The following NPAS3 variants were observed in gnomAD, a reference collection of about 807,000 sequenced individuals.
The protein encoded by NPAS3 is neuronal PAS domain protein 3, also known as neuronal PAS domain-containing protein 3.
In NPAS3, 14 loss-of-function variants were observed where a neutral mutation model predicts 73.1. The ratio of observed to expected loss-of-function variants is 0.19; its 90% CI spans 0.13 to 0.30. The LOEUF is 0.30. NPAS3 is among the 10% of genes least tolerant of loss of function. The pLI is 1.00. For synonymous variants in NPAS3, 620 were observed against 541.5 expected (o/e 1.14, Z -2.01); for missense variants, 1,096 against 1,250.0 (o/e 0.88, Z 1.86).
intron 2 of NPAS3, among the ~76,000 whole-genome samples, chr14:33,194,510 C>T (rs538189610): frequency 6.6e-6 from 1 of 152,106 alleles, no homozygotes; most frequent in South Asian, 2.1e-4. Flanking sequence ...AAATTCTCTA[C>T]GTATTTCAGT....
chr14:33,232,906 G>A (rs116675592), intron 3 of NPAS3, among the ~76,000 whole-genome samples: 1,645 of 152,260 alleles, frequency 0.011, 28 homozygotes, highest in African/African-American at 0.037. Flanking sequence ...TCTAGGGCGA[G>A]TAGTGCTGGA....
chr14:33,086,381 GTTTA>G (rs778726903), intron 2 of NPAS3, among the ~76,000 whole-genome samples: 14 of 151,990 alleles, frequency 9.2e-5, no homozygotes, highest in Non-Finnish European at 1.5e-4. Context: ...ACTTTTAAAA[GTTTA>G]TTTATATAAG....
intron 5 of NPAS3, among the ~76,000 whole-genome samples, chr14:33,637,942 G>A (rs1405143222): frequency 6.6e-6 from 1 of 152,188 alleles, no homozygotes; most frequent in Non-Finnish European, 1.5e-5. Context: ...ATCAGAGGCT[G>A]TGTTCCCTCA....
intron 5 of NPAS3, among the ~76,000 whole-genome samples, chr14:33,584,143 A>C (rs954668000): frequency 1.3e-5 from 2 of 152,200 alleles, no homozygotes; most frequent in Non-Finnish European, 2.9e-5. Context: ...CACTACTTCA[A>C]AATGTGTATA....
intron 2 of NPAS3, among the ~76,000 whole-genome samples, chr14:33,087,765 T>C (rs1035504401): frequency 7.2e-5 from 11 of 152,154 alleles, no homozygotes; most frequent in Admixed American, 5.9e-4. Context: ...TCTGGTATTG[T>C]GTTTAAAGTG....
At chr14:33,744,346 C>T (rs1189954970) in intron 7 of NPAS3, among the ~76,000 whole-genome samples, 3 of 152,162 alleles carry the variant, frequency 2.0e-5, no homozygotes, top group African/African-American at 7.2e-5. Context: ...GACTGGGGAA[C>T]AGCTGGTCAT....
intron 4 of NPAS3, among the ~76,000 whole-genome samples, chr14:33,449,769 G>T (rs1278998811): frequency 6.6e-6 from 1 of 152,028 alleles, no homozygotes; most frequent in Non-Finnish European, 1.5e-5. Context: ...TCCCCCCCAG[G>T]CTCTGTCTTA....
At chr14:33,698,317 GT>G (rs201054725) in intron 6 of NPAS3, among the ~76,000 whole-genome samples, 7 of 152,244 alleles carry the variant, frequency 4.6e-5, no homozygotes, top group Admixed American at 1.3e-4. Flanking sequence ...CAAAAGAAAG[GT>G]TTTTTTAAAA....
At chr14:33,596,107 C>T (rs950944404) in intron 5 of NPAS3, among the ~76,000 whole-genome samples, 1 of 152,222 alleles carries the variant, frequency 6.6e-6, no homozygotes, top group African/African-American at 2.4e-5. Context: ...GTGAAATCAA[C>T]TGTTTCAAGC....
chr14:33,402,983 C>A (rs1330618511), intron 4 of NPAS3, among the ~76,000 whole-genome samples: 1 of 152,078 alleles, frequency 6.6e-6, no homozygotes. Context: ...ATCTTCCATG[C>A]CTCTGTAGGT....
rs543357353 is a variant in NPAS3 at position 33,173,858 on chromosome 14, C to T, written c.141-41324C>T. On this transcript the variant is annotated intron_variant, in intron 2 of 11. Coordinates refer to ENST00000356141, the Ensembl canonical transcript of NPAS3. The stretch of plus-strand genomic sequence containing the variant: ...CAATAATTAACAGGAAATGTTTCTT[C>T]CTGGTAATTCTGTTGTATTAAAACA... Among the ~76,000 whole-genome samples the T allele has an allele frequency of 1.5e-4, 23 of 152,240 alleles. No homozygotes were observed. The South Asian group carries it at 4.6e-3, about 30-fold the overall frequency.
intron 4 of NPAS3, among the ~76,000 whole-genome samples, chr14:33,395,102 G>T (rs148756656): frequency 6.6e-6 from 1 of 152,226 alleles, no homozygotes; most frequent in Non-Finnish European, 1.5e-5. Context: ...TGCAAATAGC[G>T]AGGATCTCTT....
chr14:33,778,699 G>A (rs988117530), intron 9 of NPAS3, 127 bp downstream of exon 9: 10 of 635,658 alleles, frequency 1.6e-5, no homozygotes, highest in East Asian at 1.4e-4. Context: ...TCAGTGTGCA[G>A]TGAGAAAAAG....
At chr14:33,622,871 T>C (rs997501204) in intron 5 of NPAS3, among the ~76,000 whole-genome samples, 6 of 152,174 alleles carry the variant, frequency 3.9e-5, no homozygotes, top group African/African-American at 1.4e-4. Context: ...TAAGTAATTC[T>C]ACTTGCCCGG....
intron 1 of NPAS3, among the ~76,000 whole-genome samples, chr14:33,055,302 C>A (rs980528928): frequency 6.6e-6 from 1 of 152,198 alleles, no homozygotes; most frequent in Non-Finnish European, 1.5e-5. Context: ...CCTGGAGCCA[C>A]TGTAATCAGT....
chr14:33,595,403 C>G (rs2057204898), intron 5 of NPAS3, among the ~76,000 whole-genome samples: 2 of 152,018 alleles, frequency 1.3e-5, no homozygotes, highest in Admixed American at 6.5e-5. Context: ...CATTAATAAA[C>G]TGGAGAAATC....
chr14:33,346,375 A>G (rs1159638629), intron 3 of NPAS3, among the ~76,000 whole-genome samples: 1 of 151,954 alleles, frequency 6.6e-6, no homozygotes, highest in Non-Finnish European at 1.5e-5. Context: ...CAGAAAACAG[A>G]AAAATTAGCC....
At chr14:33,308,527 T>TATATACACACACACACACACACAC in intron 3 of NPAS3, among the ~76,000 whole-genome samples, 5 of 103,730 alleles carry the variant, frequency 4.8e-5, no homozygotes, top group East Asian at 5.7e-4. Context: ...TATATATATA[T>TATATACACACACACACACACACAC]ACATACACAC....
At chr14:33,266,005 A>C (rs981188859) in intron 3 of NPAS3, among the ~76,000 whole-genome samples, 1 of 151,294 alleles carries the variant, frequency 6.6e-6, no homozygotes, top group African/African-American at 2.4e-5. Flanking sequence ...TAATATAAAT[A>C]AAAATATATA....
Sources: gnomAD v4.1 joint callset for allele counts (sites outside exome capture counted in the v4.1 genomes callset) on GRCh38, gnomAD v4.1.1 for gene constraint, MANE v1.5 for transcripts, NCBI Gene and HGNC (gene_info 2026-07-23, HGNC 2026-07-21) for gene names.